Variants in PRTFDC1 observed in about 807,000 individuals in gnomAD.
The protein encoded by PRTFDC1 is phosphoribosyl transferase domain containing 1, also known as phosphoribosyltransferase domain-containing protein 1.
PRTFDC1 carries 38 observed loss-of-function variants against 34.6 expected under a neutral mutation model. The ratio of observed to expected loss-of-function variants is 1.10; its 90% CI spans 0.85 to 1.44. PRTFDC1 has a LOEUF of 1.44. PRTFDC1 is among the 40% of genes most tolerant of loss of function. The pLI is 0.00. For missense variants in PRTFDC1, 270 were observed against 283.0 expected (o/e 0.95, Z 0.33); for synonymous variants, 93 against 98.1 (o/e 0.95, Z 0.31).
chr10:24,926,967 A>G (rs1848885501), intron 3 of PRTFDC1, among the ~76,000 whole-genome samples: 1 of 152,246 alleles, frequency 6.6e-6, no homozygotes, highest in Non-Finnish European at 1.5e-5. Flanking sequence ...TTTGAATATG[A>G]AGAATGTATG....
chr10:24,851,446 G>T lies in PRTFDC1; in HGVS notation c.572C>A (p.Pro191Gln). ...FRPDYAGFEI[P>Q]NLFVVGYALD... is the part of the protein sequence containing the mutation. ...GGCATATCCCACCACAAATAAGTTT[G>T]GAATCTCAAATCCAGCATCTTAGCA... is the stretch of plus-strand genomic sequence containing the variant. The change falls in exon 8 of 9, where the codon CCA (proline) becomes CAA (glutamine). Residue 191 changes from proline (P) to glutamine (Q), a missense_variant. By Grantham distance (76) the Pro-to-Gln change is moderately conservative. Coordinates refer to ENST00000320152, the MANE Select transcript of PRTFDC1 (RefSeq NM_020200.7). 6.2e-7 allele frequency: 1 copy of T among 1,610,880 alleles called. No homozygotes were observed. Among genetic ancestry groups the T allele is most frequent in the South Asian group, 1.1e-5 (1 of 90,690 alleles).
intron 1 of PRTFDC1, among the ~76,000 whole-genome samples, chr10:24,948,407 A>G (rs1429895790): frequency 6.6e-6 from 1 of 152,214 alleles, no homozygotes; most frequent in African/African-American, 2.4e-5. Flanking sequence ...TGGTGACTGT[A>G]TTAGCTCCAG....
intron 3 of PRTFDC1, among the ~76,000 whole-genome samples, chr10:24,931,539 T>C (rs1017112666): frequency 2.6e-5 from 4 of 151,616 alleles, no homozygotes; most frequent in Non-Finnish European, 5.9e-5. Context: ...CTATCAGGAC[T>C]GAAAGAGAGA....
At chr10:24,932,034 C>T (rs1848981086) in intron 3 of PRTFDC1, among the ~76,000 whole-genome samples, 1 of 151,756 alleles carries the variant, frequency 6.6e-6, no homozygotes, top group African/African-American at 2.4e-5. Flanking sequence ...CATTATATTA[C>T]ATTAATGGAA....
chr10:24,939,335 A>C (rs1368423708), intron 2 of PRTFDC1, among the ~76,000 whole-genome samples: 2 of 151,210 alleles, frequency 1.3e-5, no homozygotes, highest in Non-Finnish European at 2.9e-5. Flanking sequence ...AATTTCACAG[A>C]GTGGAAGACA....
intron 3 of PRTFDC1, among the ~76,000 whole-genome samples, chr10:24,910,817 TAA>T (rs1191510931): frequency 1.3e-5 from 2 of 151,166 alleles, no homozygotes; most frequent in African/African-American, 4.9e-5. Flanking sequence ...AAAGAAAATT[TAA>T]AAAAAATTAC....
At position 24,872,079 on chromosome 10, in the gene PRTFDC1, A is replaced by C; in HGVS notation, c.340-16T>G. ...ACTGGTCATTCTGCAAAAAAGAAGA[A>C]AAAAAAGGGAGACAATTTTACCGCA... On this transcript the variant is annotated splice_polypyrimidine_tract_variant and intron_variant, in intron 3 of 8. Transcript: ENST00000320152. The C allele has an allele frequency of 6.3e-7, 1 of 1,589,812 alleles. No homozygotes were observed. The highest frequency in any genetic ancestry group is 8.6e-7 in the Non-Finnish European group (1 of 1,160,466).
At chr10:24,946,584 G>A (rs1849254351) in intron 1 of PRTFDC1, among the ~76,000 whole-genome samples, 1 of 152,148 alleles carries the variant, frequency 6.6e-6, no homozygotes, top group South Asian at 2.1e-4. Context: ...CCAGCCATGA[G>A]ACCTTGGGCA....
At chr10:24,894,660 T>A (rs763800895) in intron 3 of PRTFDC1, among the ~76,000 whole-genome samples, 3 of 152,200 alleles carry the variant, frequency 2.0e-5, no homozygotes, top group Non-Finnish European at 4.4e-5. Context: ...GGCAGCTCCA[T>A]TTTTGAGGTT....
At position 24,941,372 on chromosome 10, in the gene PRTFDC1, A is replaced by AT. The variant is rs61097435; in HGVS notation, c.155+957dup. ...ACCCAGCCCTGTAAATTACATCTTA[A>AT]TTTTTTTTTTTTTTGAGACAAGATC... On this transcript the variant is annotated intron_variant, in intron 2 of 8. Coordinates refer to ENST00000320152, the MANE Select transcript of PRTFDC1 (RefSeq NM_020200.7). Among the ~76,000 whole-genome samples, 661 of 145,828 alleles carry AT rather than the reference A, an allele frequency of 4.5e-3. 3 individuals are homozygous for AT. The highest frequency in any genetic ancestry group is 0.012 in the African/African-American group (474 of 39,406).
rs978811816 is a variant in PRTFDC1, at chr10:24,857,517, C to T, written c.424-522G>A. 2.6e-5 allele frequency among the ~76,000 whole-genome samples: 4 copies of T among 152,252 alleles called. 1 individual carries two copies. The highest frequency in any genetic ancestry group is 2.1e-4 in the South Asian group (1 of 4,826). On this transcript the variant is annotated intron_variant, in intron 5 of 8. Coordinates refer to ENST00000320152, the MANE Select transcript of PRTFDC1 (RefSeq NM_020200.7). The stretch of plus-strand genomic sequence containing the variant: ...TGAGGGTCCACGGCTGCAGTGAGCT[C>T]GGGCTCATCTCTGCTGATGAGCTGC...
At chr10:24,950,879 A>G (rs1237261707) in intron 1 of PRTFDC1, among the ~76,000 whole-genome samples, 1 of 152,018 alleles carries the variant, frequency 6.6e-6, no homozygotes, top group Non-Finnish European at 1.5e-5. Context: ...AATCTCTCCA[A>G]TCACTCTCCA....
rs993287901 is a variant in PRTFDC1 at position 24,877,087 on chromosome 10, C to T, written c.340-5024G>A. Among the ~76,000 whole-genome samples, 40 of 152,236 alleles carry T rather than the reference C, an allele frequency of 2.6e-4. No individual in the cohort carries two copies. In the East Asian group the frequency reaches 2.7e-3, roughly 10 times the overall value. On this transcript the variant is annotated intron_variant, in intron 3 of 8. Transcript: ENST00000320152. ...CTGAACCTTTCAGGAATTTGTGGCA[C>T]GACCCCCCTACTTCTCAGTGATAGT...
At chr10:24,932,482 G>T (rs1341158266) in intron 3 of PRTFDC1, among the ~76,000 whole-genome samples, 1 of 151,776 alleles carries the variant, frequency 6.6e-6, no homozygotes, top group South Asian at 2.1e-4. Flanking sequence ...AAAATTAATA[G>T]TATTTCTAAA....
At chr10:24,855,151 T>A (rs1323212150) in intron 7 of PRTFDC1, among the ~76,000 whole-genome samples, 167 bp downstream of exon 7, 2 of 152,170 alleles carry the variant, frequency 1.3e-5, no homozygotes, top group Non-Finnish European at 2.9e-5. Flanking sequence ...GTTTTCCCTA[T>A]CAAGGTGGGG....
At chr10:24,913,431 T>C (rs1848655875) in intron 3 of PRTFDC1, among the ~76,000 whole-genome samples, 1 of 152,214 alleles carries the variant, frequency 6.6e-6, no homozygotes, top group African/African-American at 2.4e-5. Flanking sequence ...CTATTGGGTA[T>C]TAGTGACATG....
rs1428699264 is a variant in PRTFDC1 at position 24,942,372 on chromosome 10, T to C, written c.113A>G (p.Asp38Gly). 7 of 1,613,596 alleles carry C rather than the reference T, an allele frequency of 4.3e-6. No individual in the cohort carries two copies. The African/African-American group carries it at 6.7e-5, about 15-fold the overall frequency. The change falls in exon 2 of 9, where the codon GAC becomes GGC. Residue 38 changes from aspartate (D) to glycine (G), a missense_variant. Physicochemically the swap from Asp to Gly is moderately conservative, Grantham distance 94. Transcript: ENST00000320152. The stretch of plus-strand genomic sequence containing the variant: ...ATGAGGGATGAGGACATACTCCAAG[T>C]CTCCATAATAGTGCTGTGGGTACGT... Reference protein sequence around the residue: ...LFTYPQHYYGDLEYVLIPHGI... With the variant: ...LFTYPQHYYGGLEYVLIPHGI...
At chr10:24,866,284 G>A (rs11814196) in intron 4 of PRTFDC1, among the ~76,000 whole-genome samples, 3 of 150,592 alleles carry the variant, frequency 2.0e-5, no homozygotes, top group African/African-American at 4.9e-5. Context: ...TCGCTTGAAC[G>A]TGGGAGGTGC....
At chr10:24,852,019 G>A (rs1319338753) in intron 7 of PRTFDC1, among the ~76,000 whole-genome samples, 1 of 152,068 alleles carries the variant, frequency 6.6e-6, no homozygotes, top group Admixed American at 6.6e-5. Flanking sequence ...GGAAGAGAAT[G>A]TGGAGGTTGC....
Sources: gnomAD v4.1 joint callset for allele counts (sites outside exome capture counted in the v4.1 genomes callset) on GRCh38, gnomAD v4.1.1 for gene constraint, MANE v1.5 for transcripts, NCBI Gene and HGNC (gene_info 2026-07-23, HGNC 2026-07-21) for gene names.